The following PRKCB variants were observed in gnomAD, a reference collection of about 807,000 sequenced individuals.
The protein encoded by PRKCB is protein kinase C beta, also known as protein kinase C beta type.
PRKCB carries 13 observed loss-of-function variants against 81.5 expected under a neutral mutation model. That is an observed-to-expected ratio of 0.16 (90% confidence interval 0.10 to 0.25). The LOEUF (loss-of-function observed/expected upper bound fraction) is 0.25, where lower values mean the gene tolerates loss of function less well. Ranked by LOEUF, PRKCB falls within the 10% of genes least tolerant of loss-of-function variation. The probability of loss-of-function intolerance (pLI) is 1.00; values close to 1 mark genes in which losing one functional copy is unlikely to be tolerated. For synonymous variants in PRKCB, 335 were observed against 321.4 expected (o/e 1.04, Z -0.45); for missense variants, 509 against 875.7 (o/e 0.58, Z 5.29).
At chr16:24,076,615 C>T (rs572003657) in intron 5 of PRKCB, among the ~76,000 whole-genome samples, 37 of 152,288 alleles carry the variant, frequency 2.4e-4, no homozygotes, top group African/African-American at 8.7e-4. Flanking sequence ...GTACAAGTGA[C>T]AGAATTCAAT....
rs562417165 is a variant in PRKCB, at chr16:24,108,892, C to T, written c.822-4081C>T. ...GCACACCTCCCAGACGGGGTGGTGG[C>T]CGGGCAGAGGGGCTCCTCACTTCCC... On this transcript the variant is annotated intron_variant, in intron 7 of 16. Coordinates refer to ENST00000643927, the MANE Select transcript of PRKCB (RefSeq NM_002738.7). Among the ~76,000 whole-genome samples the T allele has an allele frequency of 2.0e-3, 303 of 151,578 alleles. 1 individual carries two copies. In the East Asian group the frequency reaches 0.028, roughly 14 times the overall value.
chr16:23,841,641 C>T lies in PRKCB; in HGVS notation c.205+4235C>T, dbSNP rs532301946. Among the ~76,000 whole-genome samples the T allele has an allele frequency of 1.2e-3, 166 of 141,476 alleles. 1 individual carries two copies. The highest frequency in any genetic ancestry group is 4.2e-3 in the African/African-American group (161 of 38,376). The allele number at this position is 141,476 out of a possible 152,430, so 92.8% of individuals were successfully genotyped here. ...TAGCTGGGACTGCAGGTGTGTGTCA[C>T]CACGGCCCTTTTTTTTTTTTTTTTT... On this transcript the variant is annotated intron_variant, in intron 2 of 16. Transcript: ENST00000643927.
intron 3 of PRKCB, among the ~76,000 whole-genome samples, chr16:23,996,570 T>C (rs953508801): frequency 2.0e-5 from 3 of 152,248 alleles, no homozygotes; most frequent in Admixed American, 6.5e-5. Flanking sequence ...CTTATGGAAA[T>C]AGACATGCTG....
intron 10 of PRKCB, among the ~76,000 whole-genome samples, chr16:24,163,585 A>G (rs1394232017): frequency 1.1e-4 from 16 of 152,228 alleles, no homozygotes; most frequent in Admixed American, 1.0e-3. Flanking sequence ...ATGTGGAGGG[A>G]CAAGGCTTAG....
At chr16:23,977,545 G>T (rs957268769) in intron 2 of PRKCB, among the ~76,000 whole-genome samples, 1 of 152,146 alleles carries the variant, frequency 6.6e-6, no homozygotes, top group Non-Finnish European at 1.5e-5. Flanking sequence ...GATAAAAAAA[G>T]AAAACTGAAG....
intron 2 of PRKCB, among the ~76,000 whole-genome samples, chr16:23,842,267 TAAAA>T (rs1962281547): frequency 6.6e-6 from 1 of 152,122 alleles, no homozygotes; most frequent in South Asian, 2.1e-4. Context: ...TCCTCATCTG[TAAAA>T]TGGGGATAAT....
chr16:23,921,433 C>T (rs904488932), intron 2 of PRKCB, among the ~76,000 whole-genome samples: 9 of 152,232 alleles, frequency 5.9e-5, no homozygotes, highest in African/African-American at 1.7e-4. Context: ...GAAGAGCTTT[C>T]GGTCTCGTGA....
chr16:23,900,853 A>G (rs12448249), intron 2 of PRKCB, among the ~76,000 whole-genome samples: 144,495 of 151,698 alleles, frequency 0.95, 68,837 homozygotes, highest in East Asian at 1. Flanking sequence ...AACTGTGGAC[A>G]CACATGTGCA....
At chr16:23,978,266 C>T (rs1964650624) in intron 2 of PRKCB, among the ~76,000 whole-genome samples, 1 of 152,212 alleles carries the variant, frequency 6.6e-6, no homozygotes, top group Admixed American at 6.5e-5. Flanking sequence ...GGGCATATGC[C>T]CCTCAGTTCA....
intron 8 of PRKCB, among the ~76,000 whole-genome samples, chr16:24,113,718 T>G (rs1966705929): frequency 1.3e-5 from 2 of 152,094 alleles, no homozygotes; most frequent in African/African-American, 4.8e-5. Flanking sequence ...AGACTTTTCA[T>G]GACTCTGAGC....
At chr16:24,121,948 T>TCTAGGTA (rs1355127917) in intron 8 of PRKCB, among the ~76,000 whole-genome samples, 2 of 152,178 alleles carry the variant, frequency 1.3e-5, no homozygotes, top group Non-Finnish European at 2.9e-5. Context: ...GCCATACTCC[T>TCTAGGTA]CTAGGTACCA....
At chr16:24,081,890 A>T (rs1966255254) in intron 5 of PRKCB, among the ~76,000 whole-genome samples, 1 of 152,096 alleles carries the variant, frequency 6.6e-6, no homozygotes, top group African/African-American at 2.4e-5. Context: ...ATAATAAAAT[A>T]AAAAATAAAA....
At chr16:24,075,719 G>A (rs1281819580) in intron 5 of PRKCB, among the ~76,000 whole-genome samples, 2 of 152,226 alleles carry the variant, frequency 1.3e-5, no homozygotes, top group African/African-American at 4.8e-5. Context: ...TTGCAAGGAA[G>A]TGGGTCAAAG....
intron 3 of PRKCB, among the ~76,000 whole-genome samples, chr16:24,024,188 T>C (rs2141848761): frequency 6.6e-6 from 1 of 152,330 alleles, no homozygotes; most frequent in Admixed American, 6.5e-5. Context: ...TGGAGGACAT[T>C]ATGCTAAGTG....
chr16:23,877,014 GA>G (rs1201957856), intron 2 of PRKCB, among the ~76,000 whole-genome samples: 2 of 152,076 alleles, frequency 1.3e-5, no homozygotes, highest in African/African-American at 4.8e-5. Context: ...ACAGAGATGT[GA>G]AGGAAAAGAT....
At chr16:23,865,485 A>C (rs1303965409) in intron 2 of PRKCB, among the ~76,000 whole-genome samples, 6 of 6,006 alleles carry the variant, frequency 1.0e-3, no homozygotes, top group African/African-American at 6.2e-3. Context: ...ATATATATAT[A>C]TATATATATA....
chr16:24,034,294 G>C (rs1244847921), intron 4 of PRKCB, among the ~76,000 whole-genome samples: 1 of 152,164 alleles, frequency 6.6e-6, no homozygotes, highest in Non-Finnish European at 1.5e-5. Flanking sequence ...GCTGCCTCCT[G>C]GGACTTGGGT....
chr16:23,995,056 G>T (rs1964936694), intron 3 of PRKCB, among the ~76,000 whole-genome samples: 2 of 152,136 alleles, frequency 1.3e-5, no homozygotes, highest in African/African-American at 4.8e-5. Flanking sequence ...AAAATTTAGG[G>T]ACCTTCTTCC....
chr16:24,042,823 G>T, intron 5 of PRKCB, among the ~76,000 whole-genome samples: 2 of 148,386 alleles, frequency 1.3e-5, no homozygotes, highest in South Asian at 4.3e-4. Flanking sequence ...CTGCAGCCTC[G>T]ACCTCCCAGG....
Sources: gnomAD v4.1 joint callset for allele counts (sites outside exome capture counted in the v4.1 genomes callset) on GRCh38, gnomAD v4.1.1 for gene constraint, MANE v1.5 for transcripts, NCBI Gene and HGNC (gene_info 2026-07-23, HGNC 2026-07-21) for gene names.